KCND3: variants seen among roughly 807,000 people sequenced by gnomAD.
KCND3 encodes the protein potassium voltage-gated channel subfamily D member 3, also known as A-type voltage-gated potassium channel KCND3.
In KCND3, 9 loss-of-function variants were observed where a neutral mutation model predicts 51.1. The ratio of observed to expected loss-of-function variants is 0.18; its 90% CI spans 0.11 to 0.31. The LOEUF is 0.31. KCND3 is among the 10% of genes least tolerant of loss of function. The probability of loss-of-function intolerance (pLI) is 1.00; values close to 1 mark genes in which losing one functional copy is unlikely to be tolerated. For missense variants in KCND3, 526 were observed against 903.8 expected (o/e 0.58, Z 5.36); for synonymous variants, 349 against 368.0 (o/e 0.95, Z 0.59).
intron 2 of KCND3, among the ~76,000 whole-genome samples, chr1:111,923,869 T>C (rs1270513918): frequency 6.6e-6 from 1 of 152,124 alleles, no homozygotes; most frequent in African/African-American, 2.4e-5. Context: ...CTGAAGGCAG[T>C]GGGGTGGGCA....
chr1:111,837,857 G>C (rs1254959326), intron 2 of KCND3, among the ~76,000 whole-genome samples: 1 of 152,148 alleles, frequency 6.6e-6, no homozygotes, highest in Non-Finnish European at 1.5e-5. Context: ...GACACTGAGA[G>C]TGTTGAAGAG....
At chr1:111,953,655 C>G (rs1673171851) in intron 2 of KCND3, among the ~76,000 whole-genome samples, 1 of 152,222 alleles carries the variant, frequency 6.6e-6, no homozygotes. Context: ...TGTAGGCTTC[C>G]TCATGATTAT....
intron 2 of KCND3, among the ~76,000 whole-genome samples, chr1:111,925,133 C>A (rs1671644541): frequency 6.6e-6 from 1 of 152,266 alleles, no homozygotes; most frequent in African/African-American, 2.4e-5. Context: ...GCTGGCCTCA[C>A]TCCCCACACC....
intron 2 of KCND3, among the ~76,000 whole-genome samples, chr1:111,882,897 C>G (rs957671536): frequency 4.1e-4 from 62 of 152,280 alleles, no homozygotes; most frequent in African/African-American, 1.4e-3. Context: ...CTGTGGCTTG[C>G]TTGGAGTCCA....
At position 111,852,343 on chromosome 1, in the gene KCND3, G is replaced by T. The variant is rs1165075651; in HGVS notation, c.1107-65237C>A. 3.3e-5 allele frequency among the ~76,000 whole-genome samples: 5 copies of T among 152,206 alleles called. No homozygotes were observed. In the South Asian group the frequency reaches 1.0e-3, roughly 32 times the overall value. The stretch of plus-strand genomic sequence containing the variant: ...AGCCTGCAGCCCTCAGCCCTCTGTG[G>T]GGCCTGCTCAGCAACATGCCTAGCA... On this transcript the variant is annotated intron_variant, in intron 2 of 7. Coordinates refer to ENST00000302127, the MANE Select transcript of KCND3 (RefSeq NM_001378969.1).
intron 2 of KCND3, among the ~76,000 whole-genome samples, chr1:111,864,578 T>C (rs1405334571): frequency 6.6e-6 from 1 of 152,240 alleles, no homozygotes; most frequent in Non-Finnish European, 1.5e-5. Flanking sequence ...TTCTTTCATG[T>C]AGCTTGAAAA....
chr1:111,912,634 G>C (rs1435857143), intron 2 of KCND3, among the ~76,000 whole-genome samples: 1 of 152,158 alleles, frequency 6.6e-6, no homozygotes, highest in Non-Finnish European at 1.5e-5. Context: ...ACCTTCCAGT[G>C]GGACAAGATG....
chr1:111,862,268 C>G (rs192272058), intron 2 of KCND3, among the ~76,000 whole-genome samples: 17 of 152,356 alleles, frequency 1.1e-4, no homozygotes, highest in Admixed American at 3.9e-4. Flanking sequence ...AGGCCATAGG[C>G]CTCTGTCACA....
At chr1:111,906,079 T>C (rs899457246) in intron 2 of KCND3, among the ~76,000 whole-genome samples, 3 of 152,230 alleles carry the variant, frequency 2.0e-5, no homozygotes, top group Non-Finnish European at 4.4e-5. Flanking sequence ...CTGGGGGCTG[T>C]GAGCCCCAGA....
At chr1:111,917,114 A>C (rs1671253538) in intron 2 of KCND3, among the ~76,000 whole-genome samples, 1 of 152,248 alleles carries the variant, frequency 6.6e-6, no homozygotes, top group African/African-American at 2.4e-5. Context: ...TGACTGGAAA[A>C]AATCCTACAG....
chr1:111,912,200 C>T (rs12090194), intron 2 of KCND3, among the ~76,000 whole-genome samples: 38,203 of 152,218 alleles, frequency 0.25, 5,204 homozygotes, highest in Non-Finnish European at 0.31. Flanking sequence ...CAGTTGTGTG[C>T]TGCATAGCAA....
intron 2 of KCND3, among the ~76,000 whole-genome samples, chr1:111,965,465 C>CACACACACAT (rs1553184439): frequency 2.9e-4 from 43 of 148,520 alleles, no homozygotes; most frequent in African/African-American, 9.5e-4. Flanking sequence ...CACACACACA[C>CACACACACAT]ACACACACAC....
chr1:111,797,181 T>C (rs1278864286), intron 2 of KCND3, among the ~76,000 whole-genome samples: 1 of 152,248 alleles, frequency 6.6e-6, no homozygotes, highest in Non-Finnish European at 1.5e-5. Context: ...TAGGCATCAC[T>C]GATGTTGGTG....
intron 2 of KCND3, among the ~76,000 whole-genome samples, chr1:111,812,318 T>C (rs1665891142): frequency 6.6e-6 from 1 of 152,084 alleles, no homozygotes; most frequent in Non-Finnish European, 1.5e-5. Flanking sequence ...ACACCCTGCA[T>C]GGGGAATTAG....
At chr1:111,890,798 G>A (rs1669788200) in intron 2 of KCND3, among the ~76,000 whole-genome samples, 1 of 152,156 alleles carries the variant, frequency 6.6e-6, no homozygotes. Flanking sequence ...GAAGCCTGGA[G>A]AAAAAATCAG....
intron 2 of KCND3, among the ~76,000 whole-genome samples, chr1:111,791,111 C>G (rs1664806473): frequency 6.6e-6 from 1 of 152,212 alleles, no homozygotes; most frequent in Non-Finnish European, 1.5e-5. Flanking sequence ...GTTTGAGGAA[C>G]TGCCAAAATG....
At chr1:111,803,107 GTC>G (rs1417236575) in intron 2 of KCND3, among the ~76,000 whole-genome samples, 1 of 152,186 alleles carries the variant, frequency 6.6e-6, no homozygotes, top group African/African-American at 2.4e-5. Context: ...CTATCTTTAA[GTC>G]TCTGGTTCTT....
rs529101168 is a variant in KCND3, at chr1:111,771,683, CTG to C, written c.*4392_*4393del. 6.6e-6 allele frequency: 1 copy of C among 152,184 alleles called. No individual in the cohort carries two copies. The highest frequency in any genetic ancestry group is 2.4e-5 in the African/African-American group (1 of 41,450). The allele number at this position is 152,184 out of a possible 1,614,324, so 9.4% of individuals were successfully genotyped here. A position where few individuals can be genotyped will look rare whatever the true frequency, so the allele number is the denominator to read the frequency against. On this transcript the variant is annotated 3_prime_UTR_variant, in exon 8 of 8. Transcript: ENST00000302127. ...AACTGTAGGAATCATATTTTGAAAACTGGATAAAATCATCAGCATATCCACAA... is the reference window on the plus strand; with the variant it reads ...AACTGTAGGAATCATATTTTGAAAACGATAAAATCATCAGCATATCCACAA...
intron 2 of KCND3, among the ~76,000 whole-genome samples, chr1:111,861,176 G>A (rs1019746545): frequency 6.6e-6 from 1 of 152,138 alleles, no homozygotes; most frequent in African/African-American, 2.4e-5. Context: ...GGGGCGGGGC[G>A]TGGGGAAAGA....
Sources: gnomAD v4.1 joint callset for allele counts (sites outside exome capture counted in the v4.1 genomes callset) on GRCh38, gnomAD v4.1.1 for gene constraint, MANE v1.5 for transcripts, NCBI Gene and HGNC (gene_info 2026-07-23, HGNC 2026-07-21) for gene names.